The following WDR49 variants were observed in gnomAD, a reference collection of about 807,000 sequenced individuals.
The protein encoded by WDR49 is WD repeat domain 49.
A neutral mutation model predicts 119.5 loss-of-function variants in WDR49; 107 were observed. The observed-to-expected ratio is 0.90, with a 90% CI of 0.77 to 1.05. The LOEUF is 1.05. WDR49 is among the 50% of genes least tolerant of loss of function. WDR49 has a pLI of 0.00. For synonymous variants in WDR49, 425 were observed against 418.8 expected (o/e 1.01, Z -0.18); for missense variants, 1,240 against 1,220.5 (o/e 1.02, Z -0.24).
At chr3:167,510,653 GC>G (rs1286520289) in intron 16 of WDR49, among the ~76,000 whole-genome samples, 35 of 152,040 alleles carry the variant, frequency 2.3e-4, no homozygotes, top group African/African-American at 7.7e-4. Flanking sequence ...AATACTTTCA[GC>G]CCTGTGAAAA....
intron 7 of WDR49, among the ~76,000 whole-genome samples, chr3:167,588,848 G>C (rs759723702): frequency 2.6e-5 from 4 of 152,058 alleles, no homozygotes; most frequent in African/African-American, 4.8e-5. Context: ...TCCCTTGTCA[G>C]ATGGATAGTT....
intron 2 of WDR49, among the ~76,000 whole-genome samples, chr3:167,627,991 T>C (rs1179718273): frequency 4.6e-5 from 7 of 152,076 alleles, no homozygotes; most frequent in Admixed American, 1.3e-4. Flanking sequence ...ATTGTTATTA[T>C]TATTATATCT....
intron 7 of WDR49, among the ~76,000 whole-genome samples, chr3:167,584,687 G>A (rs1016891268): frequency 5.3e-5 from 8 of 151,920 alleles, no homozygotes; most frequent in Admixed American, 6.6e-5. Context: ...CAGTAGTAGA[G>A]ACAGATTATC....
chr3:167,530,483 C>A (rs1752807453), intron 13 of WDR49, among the ~76,000 whole-genome samples: 1 of 151,842 alleles, frequency 6.6e-6, no homozygotes, highest in Non-Finnish European at 1.5e-5. Flanking sequence ...ATGGTTATTT[C>A]ACTTACATAA....
intron 11 of WDR49, among the ~76,000 whole-genome samples, 164 bp downstream of exon 11, chr3:167,536,684 TACATATATATATATATATATAC>T (rs1753041060): frequency 8.4e-6 from 1 of 119,504 alleles, no homozygotes; most frequent in Non-Finnish European, 1.7e-5. Context: ...CATCTCAAAA[TACATATATATATATATATATAC>T]ACACACATAT....
intron 8 of WDR49, 118 bp from the exon 9 acceptor site, chr3:167,560,346 A>G: frequency 9.7e-7 from 1 of 1,033,180 alleles, no homozygotes. Flanking sequence ...ACAGTCAGAG[A>G]CATTTTTGTA....
At chr3:167,652,572 G>A (rs1222938516) in intron 2 of WDR49, among the ~76,000 whole-genome samples, 1 of 152,174 alleles carries the variant, frequency 6.6e-6, no homozygotes, top group Non-Finnish European at 1.5e-5. Context: ...GATGTATGCT[G>A]TTCATTATGC....
At chr3:167,611,618 C>T (rs952398700) in intron 5 of WDR49, among the ~76,000 whole-genome samples, 1 of 151,948 alleles carries the variant, frequency 6.6e-6, no homozygotes, top group East Asian at 1.9e-4. Flanking sequence ...TAGACTGAAA[C>T]ACAGAAGATA....
chr3:167,506,467 A>G (rs1208211575), intron 16 of WDR49, among the ~76,000 whole-genome samples: 1 of 152,222 alleles, frequency 6.6e-6, no homozygotes, highest in Non-Finnish European at 1.5e-5. Flanking sequence ...AAATATCAAT[A>G]CAAGTAAAAA....
intron 10 of WDR49, among the ~76,000 whole-genome samples, chr3:167,547,131 C>A (rs1281962706): frequency 6.6e-6 from 1 of 151,746 alleles, no homozygotes; most frequent in Non-Finnish European, 1.5e-5. Context: ...CATTCTGATT[C>A]TTATCCTAAT....
At chr3:167,554,346 A>G (rs73173041) in intron 10 of WDR49, among the ~76,000 whole-genome samples, 40,587 of 152,056 alleles carry the variant, frequency 0.27, 5,666 homozygotes, top group South Asian at 0.31. Flanking sequence ...GTAATTTACA[A>G]GTTAAGAATT....
intron 16 of WDR49, among the ~76,000 whole-genome samples, chr3:167,509,893 T>C (rs987711409): frequency 1.1e-4 from 17 of 152,180 alleles, no homozygotes; most frequent in Admixed American, 1.1e-3. Context: ...GCCTACTGCA[T>C]ATTTTTGAGC....
chr3:167,583,216 C>T (rs1714639064), intron 7 of WDR49, among the ~76,000 whole-genome samples: 1 of 151,864 alleles, frequency 6.6e-6, no homozygotes, highest in African/African-American at 2.4e-5. Flanking sequence ...CACAGCTCCT[C>T]TTTTAATTTA....
chr3:167,562,915 T>C (rs1713353102), intron 8 of WDR49, among the ~76,000 whole-genome samples: 1 of 152,222 alleles, frequency 6.6e-6, no homozygotes, highest in Admixed American at 6.5e-5. Context: ...TAGCCATAAA[T>C]CATAAAAGTT....
Position 167,602,201 on chromosome 3 carries a change from C to A in WDR49, c.1201G>T (p.Gly401Cys). The A allele has an allele frequency of 6.2e-7, 1 of 1,606,456 alleles. No homozygotes were observed. The highest frequency in any genetic ancestry group is 2.2e-5 in the East Asian group (1 of 44,826). The stretch of plus-strand genomic sequence containing the variant: ...ACGGCTATTACACTGGCTGAGTGGC[C>A]CCAAAGGACACCCACTGGTTTAGAG... ...VVSKPVGVLW[G>C]HSASVIAVQF... is the part of the protein sequence containing the mutation. Residue 401 changes from glycine to cysteine, a missense_variant, in exon 7 of 19, where the codon GGC becomes TGC. Gly to Cys is a radical substitution (Grantham distance 159). Coordinates refer to ENST00000682715, the MANE Select transcript of WDR49 (RefSeq NM_001366157.1).
chr3:167,479,037 T>G, intron 18 of WDR49, 41 bp from the exon 19 acceptor site: 1 of 1,407,504 alleles, frequency 7.1e-7, no homozygotes, highest in Non-Finnish European at 9.8e-7. Flanking sequence ...ATTATATTTG[T>G]TAAGAGACCT....
chr3:167,535,644 G>C (rs747783189), intron 11 of WDR49, among the ~76,000 whole-genome samples: 48 of 152,084 alleles, frequency 3.2e-4, no homozygotes, highest in Admixed American at 2.0e-4. Context: ...ACATATGGCT[G>C]GTGGGAATGT....
chr3:167,485,758 T>C (rs1182931767), intron 18 of WDR49, among the ~76,000 whole-genome samples: 1 of 151,980 alleles, frequency 6.6e-6, no homozygotes, highest in Non-Finnish European at 1.5e-5. Flanking sequence ...TGAGATTATA[T>C]AAAGAGACCA....
At chr3:167,621,042 T>C (rs1234624197) in intron 4 of WDR49, among the ~76,000 whole-genome samples, 1 of 152,110 alleles carries the variant, frequency 6.6e-6, no homozygotes, top group Non-Finnish European at 1.5e-5. Flanking sequence ...ATACAGGCAA[T>C]GAGCACTCGG....
Sources: allele counts gnomAD v4.1 joint callset (sites outside exome capture counted in the v4.1 genomes callset), GRCh38; gene constraint gnomAD v4.1.1; transcripts MANE v1.5; gene names NCBI Gene and HGNC (gene_info 2026-07-23, HGNC 2026-07-21).